CDK14: variants seen among roughly 807,000 people sequenced by gnomAD.
CDK14 encodes the protein cyclin-dependent kinase 14.
A neutral mutation model predicts 60.7 loss-of-function variants in CDK14; 34 were observed. The observed-to-expected ratio is 0.56, with a 90% CI of 0.43 to 0.75. CDK14 has a LOEUF of 0.75. Ranked by LOEUF, CDK14 falls within the 30% of genes least tolerant of loss-of-function variation. CDK14 has a pLI of 0.00. For missense variants in CDK14, 482 were observed against 564.1 expected (o/e 0.85, Z 1.47); for synonymous variants, 197 against 203.7 (o/e 0.97, Z 0.28).
At chr7:91,122,215 G>C (rs1435483929) in intron 14 of CDK14, among the ~76,000 whole-genome samples, 1 of 151,904 alleles carries the variant, frequency 6.6e-6, no homozygotes, top group African/African-American at 2.4e-5. Flanking sequence ...GCATGTTTTG[G>C]TGACCCTCTC....
intron 2 of CDK14, among the ~76,000 whole-genome samples, chr7:90,633,572 C>T (rs537541522): frequency 1.3e-5 from 2 of 152,184 alleles, no homozygotes; most frequent in South Asian, 2.1e-4. Context: ...ATTTATTTTA[C>T]GGTAAGGATA....
intron 14 of CDK14, among the ~76,000 whole-genome samples, chr7:91,166,475 C>T (rs1801348563): frequency 6.6e-6 from 1 of 152,194 alleles, no homozygotes; most frequent in South Asian, 2.1e-4. Flanking sequence ...CTTATAGCTA[C>T]TCTACTGATA....
At chr7:90,687,931 G>T (rs1045959115) in intron 2 of CDK14, among the ~76,000 whole-genome samples, 3 of 152,184 alleles carry the variant, frequency 2.0e-5, no homozygotes, top group African/African-American at 4.8e-5. Context: ...GCAGCTGAAA[G>T]TGTTGATAAC....
intron 7 of CDK14, among the ~76,000 whole-genome samples, chr7:90,901,241 C>T (rs1209664865): frequency 4.6e-5 from 7 of 152,156 alleles, no homozygotes; most frequent in East Asian, 1.9e-4. Flanking sequence ...CACTGCAGGA[C>T]TTGGTGCCTC....
At chr7:90,709,776 T>A in intron 2 of CDK14, 1 of 1,428,910 alleles carries the variant, frequency 7.0e-7, no homozygotes, top group Non-Finnish European at 9.2e-7. Flanking sequence ...TGGGCTTTTT[T>A]TTTTTTGCTT....
chr7:90,945,672 A>C (rs1245811413), intron 8 of CDK14, among the ~76,000 whole-genome samples: 6 of 152,182 alleles, frequency 3.9e-5, no homozygotes. Context: ...GCCAAACCCA[A>C]CTTGAGGCCA....
intron 13 of CDK14, 62 bp downstream of exon 13, chr7:91,112,743 G>GCA: frequency 6.4e-7 from 1 of 1,554,406 alleles, no homozygotes; most frequent in Non-Finnish European, 8.8e-7. Flanking sequence ...TTTGGCATCT[G>GCA]TATGTAACGT....
At chr7:90,610,529 G>A (rs563543677) in intron 2 of CDK14, among the ~76,000 whole-genome samples, 3 of 152,150 alleles carry the variant, frequency 2.0e-5, no homozygotes, top group Non-Finnish European at 4.4e-5. Flanking sequence ...CCCTAGCAAA[G>A]TACCACAAAC....
rs1243695072 is a variant in CDK14, at chr7:90,790,614, A to G, written c.506A>G (p.Gln169Arg). The change falls in exon 5 of 15, where the codon CAG (glutamine) becomes CGG (arginine). Residue 169 changes from glutamine to arginine, a missense_variant. By Grantham distance (43) the Gln-to-Arg change is conservative. Coordinates refer to ENST00000380050, the MANE Select transcript of CDK14 (RefSeq NM_001287135.2). ...GTAGCTCTGAAGGTGATCAGGCTGC[A>G]GGAAGAAGAAGGGACACCTTTCACA... is the stretch of plus-strand genomic sequence containing the variant. ...KLVALKVIRL[Q>R]EEEGTPFTAI... 1 of 1,612,872 alleles carries G rather than the reference A, an allele frequency of 6.2e-7. No homozygotes were observed. Among genetic ancestry groups the G allele is most frequent in the Non-Finnish European group, 8.5e-7 (1 of 1,179,176 alleles).
At chr7:90,662,193 A>G (rs1259981025) in intron 2 of CDK14, among the ~76,000 whole-genome samples, 4 of 152,216 alleles carry the variant, frequency 2.6e-5, no homozygotes. Flanking sequence ...AACCACAGGC[A>G]TTTAGAACTG....
intron 2 of CDK14, among the ~76,000 whole-genome samples, chr7:90,632,997 G>C (rs944454600): frequency 2.0e-5 from 3 of 151,916 alleles, no homozygotes; most frequent in South Asian, 4.1e-4. Context: ...TCGGGAGACT[G>C]AGGCAGGAGA....
chr7:90,872,271 T>C (rs933449267), intron 6 of CDK14, among the ~76,000 whole-genome samples: 1 of 152,214 alleles, frequency 6.6e-6, no homozygotes, highest in Non-Finnish European at 1.5e-5. Context: ...GGCTTTTCTT[T>C]ATGGAAGGGT....
At chr7:90,827,445 T>G (rs1279685306) in intron 5 of CDK14, among the ~76,000 whole-genome samples, 1 of 152,194 alleles carries the variant, frequency 6.6e-6, no homozygotes, top group East Asian at 1.9e-4. Context: ...GACATACATT[T>G]TCAACTCATT....
chr7:90,963,086 A>AGTGTGTGTGTGTGTGTGTGT (rs34662049), intron 9 of CDK14, among the ~76,000 whole-genome samples: 14 of 142,178 alleles, frequency 9.8e-5, no homozygotes, highest in South Asian at 9.5e-4. Context: ...TCATCTTAAG[A>AGTGTGTGTGTGTGTGTGTGT]GTGTGTGTGT....
chr7:90,852,311 A>G (rs1385066583), intron 5 of CDK14, among the ~76,000 whole-genome samples: 1 of 152,230 alleles, frequency 6.6e-6, no homozygotes, highest in Non-Finnish European at 1.5e-5. Flanking sequence ...AGCTTATTAA[A>G]TAACATTTTG....
In CDK14 at chr7:90,961,288, T is replaced by G. The variant is rs377292631; in HGVS notation, c.947+5471T>G. Among the ~76,000 whole-genome samples, 31 of 152,268 alleles carry G rather than the reference T, an allele frequency of 2.0e-4. No individual in the cohort carries two copies. The East Asian group carries it at 2.5e-3, about 12-fold the overall frequency. On this transcript the variant is annotated intron_variant, in intron 9 of 14. Transcript: ENST00000380050. ...GTCTTTCACTCTCACTCAACAGTCTTTGGACTGTTTTTCTCTCCTGACATT... is the reference window on the plus strand; with the variant it reads ...GTCTTTCACTCTCACTCAACAGTCTGTGGACTGTTTTTCTCTCCTGACATT...
intron 5 of CDK14, among the ~76,000 whole-genome samples, chr7:90,811,924 C>T (rs1443985533): frequency 1.3e-5 from 2 of 152,176 alleles, no homozygotes; most frequent in Non-Finnish European, 2.9e-5. Context: ...GAGATACCAT[C>T]TCACACCAGT....
rs143701771 is a variant in CDK14, at chr7:90,732,436, T to G, written c.369+5624T>G. 3.3e-3 allele frequency among the ~76,000 whole-genome samples: 498 copies of G among 152,338 alleles called. 3 individuals carry two copies. Among genetic ancestry groups the G allele is most frequent in the African/African-American group, 0.011 (472 of 41,572 alleles). On this transcript the variant is annotated intron_variant, in intron 3 of 14. Coordinates refer to ENST00000380050, the MANE Select transcript of CDK14 (RefSeq NM_001287135.2). ...AATGGTACCAGCTCCCCTTTGTACC[T>G]CTGGTAGAATTCGGCTGTGAATCCT...
chr7:90,778,846 A>ACCCTT (rs1554335030), intron 4 of CDK14, among the ~76,000 whole-genome samples: 2 of 127,864 alleles, frequency 1.6e-5, no homozygotes, highest in African/African-American at 6.2e-5. Flanking sequence ...AAATTGACCG[A>ACCCTT]CCTTCCTTCC....
Sources: allele counts gnomAD v4.1 joint callset (sites outside exome capture counted in the v4.1 genomes callset), GRCh38; gene constraint gnomAD v4.1.1; transcripts MANE v1.5; gene names NCBI Gene and HGNC (gene_info 2026-07-23, HGNC 2026-07-21).